POU2F1: variants seen among roughly 807,000 people sequenced by gnomAD.
POU2F1 encodes POU domain, class 2, transcription factor 1.
In POU2F1, 16 loss-of-function variants were observed where a neutral mutation model predicts 84.9. The ratio of observed to expected loss-of-function variants is 0.19; its 90% confidence interval spans 0.13 to 0.29. The LOEUF is 0.29. POU2F1 is among the 10% of genes least tolerant of loss of function. POU2F1 has a pLI of 1.00. For missense variants in POU2F1, 738 were observed against 942.6 expected (o/e 0.78, Z 2.84); for synonymous variants, 368 against 368.3 (o/e 1.00, Z 0.01).
chr1:167,408,039 A>T (rs1649704024), intron 13 of POU2F1, among the ~76,000 whole-genome samples: 1 of 152,264 alleles, frequency 6.6e-6, no homozygotes, highest in African/African-American at 2.4e-5. Context: ...AATAGTAAGA[A>T]TATAAACAAC....
intron 1 of POU2F1, among the ~76,000 whole-genome samples, chr1:167,252,016 GTA>G (rs35801025): frequency 0.28 from 39,924 of 143,668 alleles, 6,252 homozygotes; most frequent in African/African-American, 0.45. Context: ...GGCTAATTTT[GTA>G]TATATATATA....
chr1:167,394,207 A>G (rs1648638369), intron 9 of POU2F1, among the ~76,000 whole-genome samples: 1 of 151,706 alleles, frequency 6.6e-6, no homozygotes, highest in African/African-American at 2.4e-5. Context: ...TTTAACAGAG[A>G]CGGGGGTTTT....
intron 2 of POU2F1, 78 bp downstream of exon 2, chr1:167,332,613 G>C (rs1397084480): frequency 9.9e-6 from 12 of 1,217,634 alleles, no homozygotes; most frequent in Non-Finnish European, 1.4e-5. Context: ...ACTAGGACTT[G>C]TATTTGGCAA....
At chr1:167,231,569 A>G (rs933485095) in intron 1 of POU2F1, among the ~76,000 whole-genome samples, 4 of 152,232 alleles carry the variant, frequency 2.6e-5, no homozygotes, top group Admixed American at 6.5e-5. Context: ...CATTCATTTA[A>G]TTCAACAAAT....
chr1:167,385,350 A>T (rs1054086865), intron 8 of POU2F1, among the ~76,000 whole-genome samples: 1 of 152,172 alleles, frequency 6.6e-6, no homozygotes, highest in African/African-American at 2.4e-5. Context: ...ATTTATATAG[A>T]ACTGTAGAAA....
intron 2 of POU2F1, among the ~76,000 whole-genome samples, chr1:167,349,050 G>T (rs1268658031): frequency 6.6e-6 from 1 of 152,024 alleles, no homozygotes; most frequent in East Asian, 1.9e-4. Flanking sequence ...ATATGACTTT[G>T]TAACCCTAGG....
chr1:167,290,703 T>C (rs1653864671), intron 1 of POU2F1, among the ~76,000 whole-genome samples: 1 of 152,242 alleles, frequency 6.6e-6, no homozygotes, highest in Admixed American at 6.5e-5. Flanking sequence ...TAGTTACTCA[T>C]GATCAGTATA....
chr1:167,317,660 C>G (rs955042977), intron 1 of POU2F1, among the ~76,000 whole-genome samples: 1 of 152,176 alleles, frequency 6.6e-6, no homozygotes, highest in Non-Finnish European at 1.5e-5. Context: ...ATTTGTGGTT[C>G]GGGAATGCCT....
intron 1 of POU2F1, among the ~76,000 whole-genome samples, chr1:167,249,754 T>G (rs1442786934): frequency 6.6e-6 from 1 of 152,124 alleles, no homozygotes; most frequent in African/African-American, 2.4e-5. Flanking sequence ...GAGGAGGAAC[T>G]GTCCTGAGTG....
At chr1:167,410,520 TA>T (rs377457996) in intron 13 of POU2F1, among the ~76,000 whole-genome samples, 345 of 151,282 alleles carry the variant, frequency 2.3e-3, no homozygotes, top group Middle Eastern at 0.01. Context: ...TTATTATTAT[TA>T]TTATTATTAT....
chr1:167,358,929 A>ATTTGTGGGTTTG, intron 2 of POU2F1, among the ~76,000 whole-genome samples: 1 of 151,438 alleles, frequency 6.6e-6, no homozygotes, highest in African/African-American at 2.4e-5. Flanking sequence ...TTCTTGTTCC[A>ATTTGTGGGTTTG]TCTTACCAGA....
intron 1 of POU2F1, among the ~76,000 whole-genome samples, chr1:167,237,184 G>A (rs1649527305): frequency 6.6e-6 from 1 of 152,198 alleles, no homozygotes; most frequent in African/African-American, 2.4e-5. Flanking sequence ...TGTAAAGTCT[G>A]TCAGTGGTGA....
intron 1 of POU2F1, among the ~76,000 whole-genome samples, chr1:167,322,564 G>A (rs1256884496): frequency 6.6e-6 from 1 of 152,234 alleles, no homozygotes; most frequent in African/African-American, 2.4e-5. Flanking sequence ...TTGTACAGGG[G>A]TGAGGGAATG....
chr1:167,341,252 T>C (rs1657827941), intron 2 of POU2F1, among the ~76,000 whole-genome samples: 1 of 152,136 alleles, frequency 6.6e-6, no homozygotes, highest in African/African-American at 2.4e-5. Context: ...CTTATTATAA[T>C]TATTTTTATA....
At chr1:167,241,928 A>G (rs1385526946) in intron 1 of POU2F1, among the ~76,000 whole-genome samples, 5 of 152,330 alleles carry the variant, frequency 3.3e-5, no homozygotes, top group African/African-American at 9.6e-5. Flanking sequence ...TACATTGTCT[A>G]ATTTAATCAC....
chr1:167,351,286 G>C (rs1303237538), intron 2 of POU2F1, among the ~76,000 whole-genome samples: 1 of 151,998 alleles, frequency 6.6e-6, no homozygotes, highest in South Asian at 2.1e-4. Context: ...CCAGGGAGAC[G>C]GAAGTTGCAG....
rs556545599 is a variant in POU2F1, at chr1:167,396,688, C to T, written c.1129+261C>T. On this transcript the variant is annotated intron_variant, in intron 10 of 15. Coordinates refer to ENST00000367866, the MANE Select transcript of POU2F1 (RefSeq NM_002697.4). ...CTTGTATTTGAGCCAGGATTAGGAA[C>T]ACACACACACACACACACACAGTTG... The T allele has an allele frequency of 3.6e-5, 6 of 168,918 alleles. No homozygotes were observed. In the South Asian group the frequency reaches 7.9e-4, roughly 22 times the overall value. 10.5% of individuals were successfully genotyped at this position (168,918 alleles called of 1,614,324 possible). A position where few individuals can be genotyped will look rare whatever the true frequency, so the allele number is the denominator to read the frequency against.
At chr1:167,232,854 A>G (rs1340022309) in intron 1 of POU2F1, among the ~76,000 whole-genome samples, 2 of 152,102 alleles carry the variant, frequency 1.3e-5, no homozygotes, top group Admixed American at 1.3e-4. Context: ...CAAAAAAAAA[A>G]AAAAAAGTTA....
chr1:167,281,925 C>G (rs113323615), intron 1 of POU2F1, among the ~76,000 whole-genome samples: 5 of 152,062 alleles, frequency 3.3e-5, no homozygotes, highest in African/African-American at 1.2e-4. Context: ...TCATATTTTC[C>G]TGCTCATCTC....
Sources: allele counts gnomAD v4.1 joint callset (sites outside exome capture counted in the v4.1 genomes callset), GRCh38; gene constraint gnomAD v4.1.1; transcripts MANE v1.5; gene names NCBI Gene and HGNC (gene_info 2026-07-23, HGNC 2026-07-21).